Variants in DPH7 observed in about 807,000 individuals in gnomAD.
The protein encoded by DPH7 is diphthine methyltransferase.
A neutral mutation model predicts 41.7 loss-of-function variants in DPH7; 44 were observed. The observed-to-expected ratio is 1.05, with a 90% CI of 0.83 to 1.36. The LOEUF (loss-of-function observed/expected upper bound fraction) is 1.36, where lower values mean the gene tolerates loss of function less well. DPH7 is among the 40% of genes most tolerant of loss of function. The pLI is 0.00. For synonymous variants in DPH7, 275 were observed against 238.0 expected (o/e 1.16, Z -1.43); for missense variants, 629 against 577.5 (o/e 1.09, Z -0.91).
chr9:137,572,661 T>C (rs1050217869), intron 5 of DPH7, among the ~76,000 whole-genome samples: 1 of 152,188 alleles, frequency 6.6e-6, no homozygotes, highest in African/African-American at 2.4e-5. Context: ...TCACCTGCCA[T>C]GAGTTATCTC....
rs771842398 is a variant in DPH7, at chr9:137,555,569, C to G, written c.1029G>C (p.Leu343=). Residue 343 remains leucine (L), a synonymous_variant, in exon 9 of 9, where the codon CTG becomes CTC. Coordinates refer to ENST00000277540, the MANE Select transcript of DPH7 (RefSeq NM_138778.5). ...SLVYGADWSW[L]LFRSLQRAPS... is the part of the protein sequence containing the mutation. ...GGGCCCGCTGCAGAGAACGGAAGAG[C>G]AGCCAGGACCAGTCGGCTCCATACA... The G allele has an allele frequency of 6.2e-7, 1 of 1,613,774 alleles. No homozygotes were observed. Among genetic ancestry groups the G allele is most frequent in the South Asian group, 1.1e-5 (1 of 91,074 alleles).
intron 8 of DPH7, among the ~76,000 whole-genome samples, chr9:137,563,531 CAAAA>C (rs3041762): frequency 4.7e-5 from 4 of 85,244 alleles, no homozygotes; most frequent in Admixed American, 1.2e-4. Flanking sequence ...GACTCCGTCT[CAAAA>C]AAAAAAAAAA....
chr9:137,561,021 C>CAAAAAAAAAAAAAAA (rs869251490), intron 8 of DPH7, among the ~76,000 whole-genome samples: 2 of 80,676 alleles, frequency 2.5e-5, no homozygotes, highest in African/African-American at 4.7e-5. Context: ...GACCCCATCT[C>CAAAAAAAAAAAAAAA]AAAAAAAAAA....
intron 3 of DPH7, chr9:137,575,077 A>G (rs1841144963): frequency 1.5e-6 from 2 of 1,305,266 alleles, no homozygotes. Context: ...ACTTTCCCAC[A>G]GGCTTGATCT....
At chr9:137,564,674 G>C (rs537874196) in intron 7 of DPH7, 68 bp from the exon 8 acceptor site, 2 of 1,568,420 alleles carry the variant, frequency 1.3e-6, no homozygotes, top group African/African-American at 2.7e-5. Flanking sequence ...AAGGCCCCTG[G>C]GGGGCACAGA....
chr9:137,562,516 T>C (rs932273663), intron 8 of DPH7, among the ~76,000 whole-genome samples: 5 of 151,838 alleles, frequency 3.3e-5, no homozygotes, highest in African/African-American at 1.2e-4. Context: ...TGAATGAAAA[T>C]AAAAATACAA....
intron 5 of DPH7, among the ~76,000 whole-genome samples, chr9:137,569,848 C>T (rs1437179054): frequency 6.6e-6 from 1 of 151,242 alleles, no homozygotes; most frequent in Non-Finnish European, 1.5e-5. Context: ...ACCACACACC[C>T]ACCAACTCAT....
At chr9:137,557,376 T>C (rs1214152463) in intron 8 of DPH7, among the ~76,000 whole-genome samples, 1 of 152,036 alleles carries the variant, frequency 6.6e-6, no homozygotes, top group Non-Finnish European at 1.5e-5. Flanking sequence ...TGTGGTGGCA[T>C]GCACCTGTAG....
chr9:137,557,228 C>T (rs947808509), intron 8 of DPH7, among the ~76,000 whole-genome samples: 1 of 152,220 alleles, frequency 6.6e-6, no homozygotes, highest in Non-Finnish European at 1.5e-5. Flanking sequence ...TAAAATTAGG[C>T]CGGGCGCGGT....
At position 137,555,428 on chromosome 9, in the gene DPH7, G is replaced by C. The variant is rs775475859; in HGVS notation, c.1170C>G (p.Ala390=). 4 of 1,614,128 alleles carry C rather than the reference G, an allele frequency of 2.5e-6. No individual in the cohort carries two copies. Among genetic ancestry groups the C allele is most frequent in the Non-Finnish European group, 3.4e-6 (4 of 1,180,008 alleles). Residue 390 remains alanine (A), a synonymous_variant, in exon 9 of 9, where the codon GCC becomes GCG. Transcript: ENST00000277540. ...CREDNDGEGH[A]RPQSGMKPLT... Reference sequence around the variant, plus strand: ...GTGGCTTCATTCCACTCTGGGGTCTGGCATGGCCCTCCCCATCGTTATCCT... The same window carrying C: ...GTGGCTTCATTCCACTCTGGGGTCTCGCATGGCCCTCCCCATCGTTATCCT...
At position 137,564,598 on chromosome 9, in the gene DPH7, T is replaced by C. The variant is rs761450788; in HGVS notation, c.785A>G (p.Glu262Gly). The C allele has an allele frequency of 1.2e-6, 2 of 1,611,056 alleles. No individual in the cohort carries two copies. Among genetic ancestry groups the C allele is most frequent in the Non-Finnish European group, 1.7e-6 (2 of 1,177,570 alleles). ...EHILATGSYDEHILLWDTRNM... is the reference protein window; with the variant it reads ...EHILATGSYDGHILLWDTRNM... ...TCGTGTGTCCCACAGTAGGATGTGTTCATCATAGCTGAAACCGACCAACCA... is the reference window on the plus strand; with the variant it reads ...TCGTGTGTCCCACAGTAGGATGTGTCCATCATAGCTGAAACCGACCAACCA... Residue 262 changes from glutamate to glycine, a missense_variant, in exon 8 of 9, where the codon GAA becomes GGA. Coordinates refer to ENST00000277540, the MANE Select transcript of DPH7 (RefSeq NM_138778.5).
chr9:137,565,358 T>G lies in DPH7; in HGVS notation c.641-204A>C, dbSNP rs35044850. ...GTGACTGTCTGTGAGGAAGCTCCCC[T>G]GGGTGACTCTGTCTGTGAGGAAGCT... On this transcript the variant is annotated intron_variant, in intron 5 of 8. Transcript: ENST00000277540. The G allele has an allele frequency of 5.0e-3, 788 of 156,884 alleles. 109 individuals are homozygous for G. Among genetic ancestry groups the G allele is most frequent in the East Asian group, 0.028 (136 of 4,830 alleles). The allele number at this position is 156,884 out of a possible 1,614,324, so 9.7% of individuals were successfully genotyped here.
intron 5 of DPH7, among the ~76,000 whole-genome samples, chr9:137,571,202 T>C (rs1219272361): frequency 6.6e-6 from 1 of 152,022 alleles, no homozygotes; most frequent in East Asian, 1.9e-4. Flanking sequence ...AATTTTTTTT[T>C]TTTGAGACAG....
chr9:137,577,389 T>C (rs777441836), intron 2 of DPH7, 81 bp downstream of exon 2: 25 of 1,367,652 alleles, frequency 1.8e-5, no homozygotes, highest in African/African-American at 4.3e-5. Context: ...ATGCCTGTCT[T>C]GTTGAAGGCA....
At chr9:137,574,051 C>A (rs1840949451) in intron 5 of DPH7, among the ~76,000 whole-genome samples, 157 bp downstream of exon 5, 1 of 152,094 alleles carries the variant, frequency 6.6e-6, no homozygotes, top group Admixed American at 6.6e-5. Context: ...GGCAAAAGAG[C>A]AAGACTCAGT....
chr9:137,557,925 A>G (rs184467570), intron 8 of DPH7, among the ~76,000 whole-genome samples: 1 of 152,192 alleles, frequency 6.6e-6, no homozygotes, highest in East Asian at 1.9e-4. Context: ...ACCTGAGGTC[A>G]GGAGTTCAAG....
At chr9:137,558,489 T>C (rs1385889270) in intron 8 of DPH7, among the ~76,000 whole-genome samples, 2 of 152,216 alleles carry the variant, frequency 1.3e-5, no homozygotes, top group South Asian at 2.1e-4. Flanking sequence ...TGGTCCATCA[T>C]TACCTTCTTA....
intron 4 of DPH7, 135 bp from the exon 5 acceptor site, chr9:137,574,515 G>T: frequency 1.0e-6 from 1 of 965,024 alleles, no homozygotes; most frequent in Non-Finnish European, 1.5e-6. Context: ...TGGCGGCTAA[G>T]ATCACAACCA....
chr9:137,572,723 T>C (rs1374654993), intron 5 of DPH7, among the ~76,000 whole-genome samples: 1 of 152,194 alleles, frequency 6.6e-6, no homozygotes, highest in Non-Finnish European at 1.5e-5. Flanking sequence ...GAAACACCAG[T>C]TGTTAATTTC....
Sources: allele counts gnomAD v4.1 joint callset (sites outside exome capture counted in the v4.1 genomes callset), GRCh38; gene constraint gnomAD v4.1.1; transcripts MANE v1.5; gene names NCBI Gene and HGNC (gene_info 2026-07-23, HGNC 2026-07-21).